The following SETX variants were observed in gnomAD, a reference collection of about 807,000 sequenced individuals.
SETX encodes senataxin.
SETX carries 90 observed loss-of-function variants against 227.2 expected under a neutral mutation model. The ratio of observed to expected loss-of-function variants is 0.40; its 90% CI spans 0.33 to 0.47. The LOEUF (loss-of-function observed/expected upper bound fraction) is 0.47, where lower values mean the gene tolerates loss of function less well. Among genes scored for constraint, SETX ranks in the 20% least tolerant of loss-of-function variants. SETX has a pLI of 0.91. For missense variants in SETX, 3,052 were observed against 3,181.5 expected (o/e 0.96, Z 0.98); for synonymous variants, 1,210 against 1,113.2 (o/e 1.09, Z -1.73).
In SETX at chr9:132,262,224, GGCAAAATAT is replaced by G. The variant is rs2131102412; in HGVS notation, c.*2006_*2014del. 1 of 152,250 alleles carries G rather than the reference GGCAAAATAT, an allele frequency of 6.6e-6. No homozygotes were observed. Among genetic ancestry groups the G allele is most frequent in the Non-Finnish European group, 1.5e-5 (1 of 68,026 alleles). The allele number at this position is 152,250 out of a possible 1,614,324, so 9.4% of individuals were successfully genotyped here. Reference sequence around the variant, plus strand: ...GAAATAATATTGTTCAGTGTGTGGCGGCAAAATATGCATTTTAGAGAAAACTTATTTCTC... The same window carrying G: ...GAAATAATATTGTTCAGTGTGTGGCGGCATTTTAGAGAAAACTTATTTCTC... On this transcript the variant is annotated 3_prime_UTR_variant, in exon 26 of 26. Coordinates refer to ENST00000224140, the MANE Select transcript of SETX (RefSeq NM_015046.7).
At chr9:132,265,041 A>G in intron 25 of SETX, 56 bp from the exon 26 acceptor site, 2 of 1,588,474 alleles carry the variant, frequency 1.3e-6, no homozygotes, top group Non-Finnish European at 1.7e-6. Context: ...CTGCTTGGGA[A>G]GCATAGAGTT....
chr9:132,350,445 A>T (rs1848544545), intron 2 of SETX, among the ~76,000 whole-genome samples: 1 of 152,192 alleles, frequency 6.6e-6, no homozygotes, highest in African/African-American at 2.4e-5. Context: ...CGTCACCCTA[A>T]AATTCAGAAT....
chr9:132,351,520 G>C (rs751418680), intron 2 of SETX, among the ~76,000 whole-genome samples: 1 of 152,158 alleles, frequency 6.6e-6, no homozygotes, highest in African/African-American at 2.4e-5. Context: ...AAAATATATA[G>C]GAGTTACTAC....
In SETX at chr9:132,335,217, C is replaced by T. The variant is rs554935865; in HGVS notation, c.719-490G>A. Among the ~76,000 whole-genome samples the T allele has an allele frequency of 6.5e-4, 99 of 151,450 alleles. 1 individual carries two copies. Among genetic ancestry groups the T allele is most frequent in the East Asian group, 9.8e-4 (5 of 5,104 alleles). ...CATCCTGGCTAACATGGTGAAACCCCGTCTCTACTAAAAATACAAAAAAAT... is the reference window on the plus strand; with the variant it reads ...CATCCTGGCTAACATGGTGAAACCCTGTCTCTACTAAAAATACAAAAAAAT... On this transcript the variant is annotated intron_variant, in intron 6 of 25. Transcript: ENST00000224140.
chr9:132,352,899 C>T (rs1342435124), intron 2 of SETX, among the ~76,000 whole-genome samples: 3 of 152,166 alleles, frequency 2.0e-5, no homozygotes, highest in African/African-American at 7.2e-5. Context: ...ATCCTATACG[C>T]TCCTTCTCCC....
At chr9:132,265,513 C>T (rs1016492804) in intron 25 of SETX, among the ~76,000 whole-genome samples, 4 of 152,080 alleles carry the variant, frequency 2.6e-5, no homozygotes, top group Non-Finnish European at 5.9e-5. Context: ...CAGGAGCCAC[C>T]GTGCCTGGCC....
At chr9:132,270,650 A>G (rs1396965127) in intron 24 of SETX, among the ~76,000 whole-genome samples, 1 of 152,260 alleles carries the variant, frequency 6.6e-6, no homozygotes, top group Non-Finnish European at 1.5e-5. Context: ...AGATAATTGG[A>G]AATTTTAACA....
intron 15 of SETX, among the ~76,000 whole-genome samples, chr9:132,290,407 T>C (rs1844218299): frequency 6.6e-6 from 1 of 151,104 alleles, no homozygotes; most frequent in Admixed American, 6.6e-5. Flanking sequence ...AAACGCCATC[T>C]CTACTAAAAA....
At chr9:132,302,027 A>G (rs919839791) in intron 11 of SETX, among the ~76,000 whole-genome samples, 2 of 152,198 alleles carry the variant, frequency 1.3e-5, no homozygotes, top group Non-Finnish European at 2.9e-5. Context: ...CTGTCCCCAA[A>G]TTAATCTTTA....
In SETX at chr9:132,327,935, C is replaced by G. The variant is rs12344006; in HGVS notation, c.3663G>C (p.Lys1221Asn). 7.6e-4 allele frequency: 1,220 copies of G among 1,614,068 alleles called. 12 individuals carry two copies. In the African/African-American group the frequency reaches 0.014, roughly 19 times the overall value. ...RIQRATTVSQKKSSKLCTCTE... is the reference protein window; with the variant it reads ...RIQRATTVSQNKSSKLCTCTE... ...TACAAGTACAAAGCTTTGAAGACTT[C>G]TTTTGTGAAACCGTAGTGGCTCTCT... Residue 1221 changes from lysine to asparagine, a missense_variant, in exon 10 of 26, where the codon AAG becomes AAC. Physicochemically the swap from Lys to Asn is moderately conservative, Grantham distance 94 (BLOSUM62 0). This residue lies in a region of SETX where 1,483 missense variants were observed against 1,312.0 expected (regional missense o/e 1.13). Transcript: ENST00000224140.
chr9:132,300,146 A>G (rs1339075492), intron 12 of SETX, among the ~76,000 whole-genome samples: 2 of 151,504 alleles, frequency 1.3e-5, no homozygotes, highest in Non-Finnish European at 2.9e-5. Flanking sequence ...AAAAAAAAAA[A>G]AAAAAAAAAG....
At chr9:132,346,496 G>A (rs1161043231) in intron 3 of SETX, 25 bp from the exon 4 acceptor site, 3 of 1,506,844 alleles carry the variant, frequency 2.0e-6, no homozygotes, top group Non-Finnish European at 2.7e-6. Context: ...AATGGGCAGT[G>A]TGCGTTATGT....
intron 6 of SETX, among the ~76,000 whole-genome samples, 172 bp downstream of exon 6, chr9:132,336,124 T>C (rs1339174504): frequency 6.6e-6 from 1 of 152,154 alleles, no homozygotes; most frequent in Non-Finnish European, 1.5e-5. Flanking sequence ...TTGCCTGTAA[T>C]CACAGCTACT....
intron 11 of SETX, among the ~76,000 whole-genome samples, chr9:132,305,736 A>G (rs1343099012): frequency 1.3e-5 from 2 of 152,206 alleles, no homozygotes; most frequent in Admixed American, 6.5e-5. Flanking sequence ...AAAGACAGAG[A>G]GAATGAGGAC....
chr9:132,284,617 T>C (rs899178454), intron 18 of SETX, among the ~76,000 whole-genome samples: 1 of 152,158 alleles, frequency 6.6e-6, no homozygotes, highest in Non-Finnish European at 1.5e-5. Flanking sequence ...ATCCAAAAAA[T>C]ACTGGAGAAA....
At chr9:132,340,112 T>G (rs1847868024) in intron 5 of SETX, among the ~76,000 whole-genome samples, 1 of 152,158 alleles carries the variant, frequency 6.6e-6, no homozygotes, top group African/African-American at 2.4e-5. Flanking sequence ...CTGTACCCAC[T>G]GTATTATCTA....
intron 25 of SETX, among the ~76,000 whole-genome samples, chr9:132,268,567 T>C (rs1215965957): frequency 2.0e-5 from 3 of 151,976 alleles, no homozygotes; most frequent in Admixed American, 2.0e-4. Flanking sequence ...CTTTTAATTC[T>C]AAAAAGAGAT....
At chr9:132,277,283 T>C (rs1343733428) in intron 21 of SETX, 131 bp from the exon 22 acceptor site, 10 of 755,990 alleles carry the variant, frequency 1.3e-5, no homozygotes, top group Non-Finnish European at 2.3e-5. Flanking sequence ...GAATATTCTT[T>C]TCTAGACGTG....
intron 15 of SETX, among the ~76,000 whole-genome samples, chr9:132,291,292 G>A (rs887143293): frequency 1.3e-5 from 2 of 148,164 alleles, no homozygotes; most frequent in Non-Finnish European, 1.5e-5. Flanking sequence ...TCAGCCTTCC[G>A]AATAGCTGCG....
Sources: gnomAD v4.1 joint callset for allele counts (sites outside exome capture counted in the v4.1 genomes callset) on GRCh38, gnomAD v4.1.1 for gene constraint, gnomAD v4.1.1 regional missense constraint, MANE v1.5 for transcripts, NCBI Gene and HGNC (gene_info 2026-07-23, HGNC 2026-07-21) for gene names.